UNC5D: variants seen among roughly 807,000 people sequenced by gnomAD.
UNC5D encodes netrin receptor UNC5D.
In UNC5D, 39 loss-of-function variants were observed where a neutral mutation model predicts 105.4. That is an observed-to-expected ratio of 0.37 (90% confidence interval 0.29 to 0.48). The LOEUF (loss-of-function observed/expected upper bound fraction) is 0.48, where lower values mean the gene tolerates loss of function less well. UNC5D is among the 20% of genes least tolerant of loss of function. The pLI is 0.98. For missense variants in UNC5D, 991 were observed against 1,202.4 expected (o/e 0.82, Z 2.60); for synonymous variants, 452 against 450.4 (o/e 1.00, Z -0.04).
intron 1 of UNC5D, among the ~76,000 whole-genome samples, chr8:35,330,836 T>C (rs113022789): frequency 5.3e-5 from 8 of 152,340 alleles, no homozygotes; most frequent in African/African-American, 1.9e-4. Flanking sequence ...TCTTTCACTG[T>C]ATTATACAAA....
chr8:35,761,560 G>A (rs988723654), intron 14 of UNC5D, among the ~76,000 whole-genome samples: 10 of 152,204 alleles, frequency 6.6e-5, no homozygotes, highest in African/African-American at 1.9e-4. Context: ...TTGTGAACAT[G>A]TATAAATATT....
chr8:35,509,993 G>T (rs1396347983), intron 1 of UNC5D, among the ~76,000 whole-genome samples: 1 of 152,170 alleles, frequency 6.6e-6, no homozygotes, highest in East Asian at 1.9e-4. Flanking sequence ...TGGGGGAGGG[G>T]CTGCAGAGCT....
chr8:35,633,158 G>A (rs1276194685), intron 4 of UNC5D, among the ~76,000 whole-genome samples: 1 of 152,138 alleles, frequency 6.6e-6, no homozygotes, highest in Non-Finnish European at 1.5e-5. Flanking sequence ...AATATTTCAG[G>A]GCTCCTTGAC....
chr8:35,265,068 A>G (rs1344491578), intron 1 of UNC5D, among the ~76,000 whole-genome samples: 3 of 152,316 alleles, frequency 2.0e-5, no homozygotes, highest in Admixed American at 2.0e-4. Context: ...CATACTCTCT[A>G]TCTTCCATAT....
intron 1 of UNC5D, among the ~76,000 whole-genome samples, chr8:35,454,145 A>AT (rs1244742398): frequency 6.6e-6 from 1 of 152,148 alleles, no homozygotes; most frequent in East Asian, 1.9e-4. Context: ...ACTTCATGTT[A>AT]TATGGAACAG....
intron 1 of UNC5D, among the ~76,000 whole-genome samples, chr8:35,432,774 T>G (rs1482384395): frequency 6.6e-6 from 1 of 152,168 alleles, no homozygotes; most frequent in African/African-American, 2.4e-5. Context: ...AGGTTTCAGT[T>G]TCCCAACTCA....
intron 1 of UNC5D, among the ~76,000 whole-genome samples, chr8:35,287,141 C>T (rs1806657408): frequency 6.6e-6 from 1 of 152,070 alleles, no homozygotes; most frequent in East Asian, 1.9e-4. Context: ...CTATAACCAC[C>T]AAAAAACACC....
intron 10 of UNC5D, among the ~76,000 whole-genome samples, chr8:35,729,973 AAGG>A: frequency 6.6e-6 from 1 of 152,336 alleles, no homozygotes; most frequent in East Asian, 1.9e-4. Context: ...AGGCACATAG[AAGG>A]AGATCAGGAA....
chr8:35,324,259 T>C (rs1044717725), intron 1 of UNC5D, among the ~76,000 whole-genome samples: 1 of 91,048 alleles, frequency 1.1e-5, no homozygotes, highest in African/African-American at 3.2e-5. Context: ...AAAAAAGTGA[T>C]GAGTCATTGA....
chr8:35,774,254 TG>T (rs1180791565), intron 15 of UNC5D, 44 bp from the exon 16 acceptor site: 1 of 1,606,030 alleles, frequency 6.2e-7, no homozygotes, highest in African/African-American at 1.3e-5. Context: ...TGGTCAGGAC[TG>T]CTTTCAGATA....
chr8:35,584,750 C>T (rs1818675886), intron 3 of UNC5D, among the ~76,000 whole-genome samples: 1 of 151,980 alleles, frequency 6.6e-6, no homozygotes, highest in Non-Finnish European at 1.5e-5. Context: ...CATGCGTGAC[C>T]CTAACTGGAT....
intron 1 of UNC5D, among the ~76,000 whole-genome samples, chr8:35,301,902 A>G (rs1222352102): frequency 1.3e-5 from 2 of 152,206 alleles, no homozygotes; most frequent in African/African-American, 2.4e-5. Flanking sequence ...GTAATTATTG[A>G]CGCAGGCAGG....
In UNC5D at chr8:35,748,591, A is replaced by T; in HGVS notation, c.1831A>T (p.Ile611Phe). The change falls in exon 12 of 17, where the codon ATC becomes TTC. Residue 611 changes from isoleucine to phenylalanine, a missense_variant. By Grantham distance (21) the Ile-to-Phe change is conservative. Transcript: ENST00000404895. Reference protein sequence around the residue: ...PEVTCGPPDMIVTTPFALTIP... With the variant: ...PEVTCGPPDMFVTTPFALTIP... The stretch of plus-strand genomic sequence containing the variant: ...AGTCACCTGTGGTCCTCCAGACATG[A>T]TCGTCACCACTCCCTTTGCATTGAC... 1.2e-6 allele frequency: 2 copies of T among 1,614,042 alleles called. No homozygotes were observed. The highest frequency in any genetic ancestry group is 1.7e-6 in the Non-Finnish European group (2 of 1,179,952).
chr8:35,613,535 A>G (rs1194251646), intron 4 of UNC5D, among the ~76,000 whole-genome samples: 1 of 152,190 alleles, frequency 6.6e-6, no homozygotes, highest in African/African-American at 2.4e-5. Flanking sequence ...TTTCACATAA[A>G]TCGGCCAGAG....
intron 1 of UNC5D, among the ~76,000 whole-genome samples, chr8:35,316,867 T>G (rs1809343244): frequency 6.6e-6 from 1 of 152,124 alleles, no homozygotes; most frequent in Admixed American, 6.6e-5. Flanking sequence ...TTAGCAATAT[T>G]AGGGACCACT....
At chr8:35,356,002 T>A (rs1180150874) in intron 1 of UNC5D, among the ~76,000 whole-genome samples, 1 of 152,104 alleles carries the variant, frequency 6.6e-6, no homozygotes, top group Non-Finnish European at 1.5e-5. Flanking sequence ...CACTGCAAAC[T>A]CCGCCTCTCT....
intron 10 of UNC5D, among the ~76,000 whole-genome samples, chr8:35,729,734 TGGAG>T (rs1829087694): frequency 2.0e-5 from 3 of 152,196 alleles, no homozygotes; most frequent in African/African-American, 7.2e-5. Flanking sequence ...AGAGTTGGAC[TGGAG>T]GTCTCTAAGT....
intron 1 of UNC5D, among the ~76,000 whole-genome samples, chr8:35,286,092 C>T (rs1408000047): frequency 6.6e-6 from 1 of 152,142 alleles, no homozygotes; most frequent in East Asian, 1.9e-4. Flanking sequence ...AGCCTTCTGT[C>T]AAATCAGTCT....
intron 3 of UNC5D, among the ~76,000 whole-genome samples, chr8:35,578,389 A>G (rs1477696115): frequency 1.3e-5 from 2 of 152,070 alleles, no homozygotes; most frequent in Non-Finnish European, 2.9e-5. Flanking sequence ...TGGCTCATTT[A>G]ACTGTGTTTC....
Sources: gnomAD v4.1 joint callset for allele counts (sites outside exome capture counted in the v4.1 genomes callset) on GRCh38, gnomAD v4.1.1 for gene constraint, MANE v1.5 for transcripts, NCBI Gene and HGNC (gene_info 2026-07-23, HGNC 2026-07-21) for gene names.